The following SMCHD1 variants were observed in gnomAD, a reference collection of about 807,000 sequenced individuals.
SMCHD1 encodes structural maintenance of chromosomes flexible hinge domain-containing protein 1.
Under a neutral mutation model 254.7 loss-of-function variants are expected in SMCHD1, and 78 were observed. The observed-to-expected ratio is 0.31, with a 90% confidence interval of 0.26 to 0.37. The LOEUF is 0.37. Among genes scored for constraint, SMCHD1 ranks in the 10% least tolerant of loss-of-function variants. The probability of loss-of-function intolerance (pLI) is 1.00; values close to 1 mark genes in which losing one functional copy is unlikely to be tolerated. For missense variants in SMCHD1, 1,840 were observed against 2,408.1 expected (o/e 0.76, Z 4.94); for synonymous variants, 766 against 794.9 (o/e 0.96, Z 0.61).
chr18:2,768,617 ATATAC>A (rs1291427708), intron 37 of SMCHD1, among the ~76,000 whole-genome samples: 2 of 133,978 alleles, frequency 1.5e-5, no homozygotes, highest in African/African-American at 2.6e-5. Context: ...ATAGTGTACT[ATATAC>A]TATACTACTA....
chr18:2,666,043 G>GTGT (rs2073425823), intron 1 of SMCHD1, 114 bp from the exon 2 acceptor site: 1 of 545,870 alleles, frequency 1.8e-6, no homozygotes, highest in South Asian at 2.8e-5. Context: ...TCCTAGATAA[G>GTGT]TGTAGTGGTT....
intron 25 of SMCHD1, among the ~76,000 whole-genome samples, chr18:2,735,339 C>T (rs2075228473): frequency 6.6e-6 from 1 of 152,084 alleles, no homozygotes. Flanking sequence ...TAATATTGAA[C>T]AGGCAAAAAC....
At chr18:2,781,090 A>C (rs1012475596) in intron 44 of SMCHD1, among the ~76,000 whole-genome samples, 1 of 152,190 alleles carries the variant, frequency 6.6e-6, no homozygotes, top group African/African-American at 2.4e-5. Context: ...GAGGGGCTTT[A>C]GGATAGGAGA....
At chr18:2,670,937 A>AT in intron 3 of SMCHD1, among the ~76,000 whole-genome samples, 1 of 139,722 alleles carries the variant, frequency 7.2e-6, no homozygotes, top group African/African-American at 3.1e-5. Flanking sequence ...GAATCTTTTA[A>AT]TTCTTTTTTT....
At chr18:2,769,522 G>A (rs1444531364) in intron 37 of SMCHD1, among the ~76,000 whole-genome samples, 172 bp from the exon 38 acceptor site, 1 of 152,160 alleles carries the variant, frequency 6.6e-6, no homozygotes. Flanking sequence ...GTATGTCTTG[G>A]GTAGTGGTGG....
At chr18:2,784,401 G>A (rs757356538) in intron 44 of SMCHD1, 49 bp from the exon 45 acceptor site, 2 of 1,391,656 alleles carry the variant, frequency 1.4e-6, no homozygotes, top group Non-Finnish European at 1.9e-6. Flanking sequence ...CTTTTTTGGA[G>A]CAGTTGAAAT....
At chr18:2,674,259 A>G (rs1482556468) in intron 5 of SMCHD1, 114 bp downstream of exon 5, 10 of 794,488 alleles carry the variant, frequency 1.3e-5, no homozygotes, top group East Asian at 3.0e-5. Context: ...TGTTATTCAC[A>G]TATTTATTTA....
intron 6 of SMCHD1, 28 bp from the exon 7 acceptor site, chr18:2,688,600 A>T: frequency 1.0e-5 from 16 of 1,571,986 alleles, no homozygotes; most frequent in African/African-American, 1.4e-5. Context: ...TTAGGAATTT[A>T]AAAAGTACTC....
intron 7 of SMCHD1, among the ~76,000 whole-genome samples, chr18:2,689,220 C>CTTT (rs71159003): frequency 1.3e-4 from 17 of 132,078 alleles, no homozygotes; most frequent in South Asian, 4.9e-4. Context: ...GATTTTTTTT[C>CTTT]TTTTTTTTTT....
At chr18:2,732,521 G>C (rs1172153858) in intron 25 of SMCHD1, 29 bp downstream of exon 25, 1 of 1,418,234 alleles carries the variant, frequency 7.1e-7, no homozygotes, top group Admixed American at 2.2e-5. Flanking sequence ...TTGGTTATTT[G>C]TAAGAACTTT....
chr18:2,785,414 C>T (rs1313194740), intron 45 of SMCHD1, among the ~76,000 whole-genome samples: 7 of 151,882 alleles, frequency 4.6e-5, no homozygotes, highest in African/African-American at 1.7e-4. Context: ...TTTGGGAGGC[C>T]GAGGTAGGCG....
chr18:2,735,628 C>A (rs752383230), intron 25 of SMCHD1, among the ~76,000 whole-genome samples: 3 of 152,226 alleles, frequency 2.0e-5, no homozygotes, highest in Admixed American at 2.0e-4. Context: ...TTCTGTACTA[C>A]GTTTTAAGCT....
At chr18:2,708,907 T>TAA (rs1555635504) in intron 17 of SMCHD1, among the ~76,000 whole-genome samples, 2,241 of 44,650 alleles carry the variant, frequency 0.05, 476 homozygotes, top group Non-Finnish European at 0.062. Flanking sequence ...TATATATATA[T>TAA]AACATATTAA....
intron 10 of SMCHD1, among the ~76,000 whole-genome samples, chr18:2,698,645 G>A (rs916940735): frequency 2.0e-5 from 3 of 150,178 alleles, no homozygotes; most frequent in Non-Finnish European, 3.0e-5. Flanking sequence ...TAGGATTACA[G>A]GTGTGAGCCA....
At chr18:2,789,318 A>G (rs1308676216) in intron 45 of SMCHD1, among the ~76,000 whole-genome samples, 1 of 152,022 alleles carries the variant, frequency 6.6e-6, no homozygotes, top group Non-Finnish European at 1.5e-5. Context: ...TAGGGATTAC[A>G]GGTGTAAGTC....
chr18:2,716,898 C>A (rs2074812224), intron 17 of SMCHD1, among the ~76,000 whole-genome samples: 1 of 152,238 alleles, frequency 6.6e-6, no homozygotes, highest in African/African-American at 2.4e-5. Flanking sequence ...GGGACAAAAA[C>A]CAGGCTCCAG....
chr18:2,760,801 G>C, intron 35 of SMCHD1, 62 bp downstream of exon 35: 1 of 896,838 alleles, frequency 1.1e-6, no homozygotes, highest in South Asian at 1.6e-5. Context: ...TTCCCTCTTG[G>C]TTCTGCATTA....
At chr18:2,662,185 AAAT>A (rs1568068929) in intron 1 of SMCHD1, among the ~76,000 whole-genome samples, 2,233 of 82,882 alleles carry the variant, frequency 0.027, 139 homozygotes, top group African/African-American at 0.2. Context: ...AAAATAAAAT[AAAT>A]AAATAAATAA....
At chr18:2,687,645 C>T (rs1447105539) in intron 5 of SMCHD1, among the ~76,000 whole-genome samples, 1 of 152,148 alleles carries the variant, frequency 6.6e-6, no homozygotes, top group East Asian at 1.9e-4. Flanking sequence ...TCTGTCCCTT[C>T]TCTTTCTAGA....
Sources: allele counts gnomAD v4.1 joint callset (sites outside exome capture counted in the v4.1 genomes callset), GRCh38; gene constraint gnomAD v4.1.1; transcripts MANE v1.5; gene names NCBI Gene and HGNC (gene_info 2026-07-23, HGNC 2026-07-21).